Variants in ZNF280C observed in about 807,000 individuals in gnomAD.
ZNF280C encodes the protein zinc finger protein 280C.
A neutral mutation model predicts 53.6 loss-of-function variants in ZNF280C; 14 were observed. That is an observed-to-expected ratio of 0.26 (90% CI 0.17 to 0.41). The LOEUF (loss-of-function observed/expected upper bound fraction) is 0.41, where lower values mean the gene tolerates loss of function less well. ZNF280C is among the 10% of genes least tolerant of loss of function. The pLI is 1.00. For missense variants in ZNF280C, 416 were observed against 547.1 expected, an observed-to-expected ratio of 0.76 and a Z score of 2.39; for synonymous variants, 203 against 181.1, an observed-to-expected ratio of 1.12 and a Z score of -0.97.
intron 5 of ZNF280C, among the ~76,000 whole-genome samples, chrX:130,242,990 T>C (rs768348304): frequency 8.9e-6 from 1 of 111,950 alleles, no homozygotes; most frequent in East Asian, 2.8e-4. Flanking sequence ...ATCATACTTT[T>C]TCACTCATAT....
intron 5 of ZNF280C, among the ~76,000 whole-genome samples, chrX:130,243,206 A>G (rs905260473): frequency 3.6e-5 from 4 of 111,269 alleles, no homozygotes; most frequent in African/African-American, 1.3e-4. Context: ...TTCTTGAATC[A>G]GGATCTCACC....
At chrX:130,237,429 G>A (rs2032346363) in intron 6 of ZNF280C, among the ~76,000 whole-genome samples, 1 of 111,570 alleles carries the variant, frequency 9.0e-6, no homozygotes, top group South Asian at 3.7e-4. Context: ...GAATTTCATT[G>A]CTAAAGATAG....
intron 8 of ZNF280C, among the ~76,000 whole-genome samples, chrX:130,231,808 C>T (rs1603242267): frequency 9.0e-6 from 1 of 110,808 alleles, no homozygotes; most frequent in African/African-American, 3.3e-5. Flanking sequence ...AGGCGGATCA[C>T]GAGGTCAGGA....
At chrX:130,226,691 A>T (rs2032224332) in intron 12 of ZNF280C, 68 bp downstream of exon 12, 16 of 1,066,660 alleles carry the variant, frequency 1.5e-5, no homozygotes, top group Non-Finnish European at 2.0e-5. Flanking sequence ...GTAGCTATAG[A>T]TCTATACATA....
intron 2 of ZNF280C, among the ~76,000 whole-genome samples, chrX:130,259,070 ATTTG>A (rs1447387636): frequency 7.2e-5 from 8 of 111,727 alleles, no homozygotes; most frequent in Non-Finnish European, 9.4e-5. Context: ...AAACCATTAG[ATTTG>A]TTTTTCTTTA....
intron 6 of ZNF280C, among the ~76,000 whole-genome samples, chrX:130,237,284 G>C (rs949904524): frequency 9.0e-6 from 1 of 111,625 alleles, no homozygotes; most frequent in Non-Finnish European, 1.9e-5. Flanking sequence ...AAAAGGTTTA[G>C]AGTTAGTATA....
intron 15 of ZNF280C, 50 bp from the exon 16 acceptor site, chrX:130,209,765 C>G: frequency 1.0e-6 from 1 of 1,002,228 alleles, no homozygotes; most frequent in Non-Finnish European, 1.4e-6. Context: ...TTATACAACA[C>G]CATATTAATT....
intron 12 of ZNF280C, among the ~76,000 whole-genome samples, chrX:130,226,372 T>C (rs1277677423): frequency 1.8e-5 from 2 of 111,891 alleles, no homozygotes; most frequent in African/African-American, 6.5e-5. Context: ...CTTATTCTTT[T>C]TCCTGCTCTT....
intron 10 of ZNF280C, among the ~76,000 whole-genome samples, chrX:130,228,043 G>A (rs901822232): frequency 1.4e-4 from 16 of 111,520 alleles, no homozygotes; most frequent in Non-Finnish European, 2.3e-4. Context: ...TAAGAAACTT[G>A]CTTGAGATCT....
At chrX:130,259,001 C>A (rs900367682) in intron 2 of ZNF280C, among the ~76,000 whole-genome samples, 2 of 111,662 alleles carry the variant, frequency 1.8e-5, no homozygotes, top group Non-Finnish European at 3.8e-5. Context: ...AAACAGATAT[C>A]CCCCCAAATT....
In ZNF280C at chrX:130,211,568, A is replaced by C. The variant is rs759890470; in HGVS notation, c.1980-1853T>G. Reference sequence around the variant, plus strand: ...TGCACCATTCAGAGGAAGGTACCTGAAGCAATGAGGGAAACAGTGTACCCT... The same window carrying C: ...TGCACCATTCAGAGGAAGGTACCTGCAGCAATGAGGGAAACAGTGTACCCT... On this transcript the variant is annotated intron_variant, in intron 15 of 18. Transcript: ENST00000370978. Among the ~76,000 whole-genome samples the C allele has an allele frequency of 4.5e-5, 5 of 111,574 alleles. No homozygotes were observed. In the East Asian group the frequency reaches 1.1e-3, roughly 25 times the overall value.
intron 13 of ZNF280C, 75 bp from the exon 14 acceptor site, chrX:130,216,176 G>T: frequency 1.1e-6 from 1 of 929,186 alleles, no homozygotes; most frequent in Non-Finnish European, 1.5e-6. Context: ...ATTGTAAGCC[G>T]TAAATATCAC....
At chrX:130,245,294 G>GT (rs1178665286) in intron 3 of ZNF280C, among the ~76,000 whole-genome samples, 5 of 111,652 alleles carry the variant, frequency 4.5e-5, no homozygotes, top group Non-Finnish European at 9.4e-5. Context: ...CTTGAATCTT[G>GT]TCATGCTTCA....
At chrX:130,209,782 C>G in intron 15 of ZNF280C, 67 bp from the exon 16 acceptor site, 2 of 901,467 alleles carry the variant, frequency 2.2e-6, no homozygotes, top group Admixed American at 5.6e-5. Context: ...AATTTTCTGA[C>G]CACATTTCAA....
intron 1 of ZNF280C, among the ~76,000 whole-genome samples, chrX:130,266,720 G>A (rs911069775): frequency 2.7e-5 from 3 of 111,551 alleles, no homozygotes. Flanking sequence ...CTACTTTCAG[G>A]AGTCATTTCT....
At chrX:130,241,557 C>G (rs935511346) in intron 5 of ZNF280C, among the ~76,000 whole-genome samples, 2 of 111,561 alleles carry the variant, frequency 1.8e-5, no homozygotes, top group African/African-American at 6.5e-5. Context: ...GCCAGGAGTT[C>G]AAGACCAGCC....
At chrX:130,245,101 CA>C (rs1400318162) in intron 3 of ZNF280C, among the ~76,000 whole-genome samples, 1 of 111,565 alleles carries the variant, frequency 9.0e-6, no homozygotes, top group Non-Finnish European at 1.9e-5. Flanking sequence ...GATGAGATCC[CA>C]TATGCTAAAA....
intron 15 of ZNF280C, among the ~76,000 whole-genome samples, chrX:130,210,107 C>G (rs1569431206): frequency 8.9e-6 from 1 of 111,926 alleles, no homozygotes; most frequent in Non-Finnish European, 1.9e-5. Context: ...CTGCCGGCAC[C>G]TTGATCGTGG....
At position 130,230,611 on chromosome X, in the gene ZNF280C, C is replaced by T. The variant is rs200842694; in HGVS notation, c.888G>A (p.Glu296=). ...CTCCTTCATGCCTTCCATAATAAAA[C>T]TCATTGACTAACATGATCAACTTTC... ...ETGKLIMLVN[E]FYYGRHEGVT... The change falls in exon 9 of 19, where the codon GAG becomes GAA. Residue 296 remains glutamate, a synonymous_variant. Transcript: ENST00000370978. 1.9e-5 allele frequency: 23 copies of T among 1,207,350 alleles called. No homozygotes were observed. The East Asian group carries it at 6.2e-4, about 33-fold the overall frequency.
Sources: gnomAD v4.1 joint callset for allele counts (sites outside exome capture counted in the v4.1 genomes callset) on GRCh38, gnomAD v4.1.1 for gene constraint, MANE v1.5 for transcripts, NCBI Gene and HGNC (gene_info 2026-07-23, HGNC 2026-07-21) for gene names.